Variants in DCP1B observed in about 807,000 individuals in gnomAD.
The protein encoded by DCP1B is mRNA-decapping enzyme 1B.
In DCP1B, 47 loss-of-function variants were observed where a neutral mutation model predicts 60.5. That is an observed-to-expected ratio of 0.78 (90% CI 0.61 to 0.99). The LOEUF is 0.99. Among genes scored for constraint, DCP1B ranks in the 50% least tolerant of loss-of-function variants. The pLI is 0.00. For synonymous variants in DCP1B, 267 were observed against 280.3 expected (o/e 0.95, Z 0.47); for missense variants, 725 against 756.8 (o/e 0.96, Z 0.49).
rs1565766839 is a variant in DCP1B at position 1,962,037 on chromosome 12, A to G, written c.522+3521T>C. Among the ~76,000 whole-genome samples the G allele has an allele frequency of 6.6e-6, 1 of 152,192 alleles. No homozygotes were observed. Among genetic ancestry groups the G allele is most frequent in the Admixed American group, 6.5e-5 (1 of 15,280 alleles). On this transcript the variant is annotated intron_variant, in intron 5 of 8. Coordinates refer to ENST00000280665, the MANE Select transcript of DCP1B (RefSeq NM_152640.5). This position sits in a 1 kb window ranked among gnomAD's most constrained non-coding sequence, Gnocchi z 4.4. ...CACGCTGCACAGGGCCACGTGTGGA[A>G]GCCTCAGGGTGTCAGCAGCAAGGGG...
intron 2 of DCP1B, 60 bp from the exon 3 acceptor site, chr12:1,993,451 TTCAGTA>T (rs1229761354): frequency 2.3e-5 from 36 of 1,575,576 alleles, no homozygotes; most frequent in Non-Finnish European, 3.1e-5. Flanking sequence ...ATGCTATATT[TTCAGTA>T]TAAGTACATT....
intron 3 of DCP1B, 135 bp from the exon 4 acceptor site, chr12:1,968,045 A>C: frequency 1.3e-6 from 1 of 756,450 alleles, no homozygotes; most frequent in East Asian, 2.8e-5. Flanking sequence ...AATAAATAAA[A>C]GCAATCATTG....
At chr12:1,969,619 A>G (rs1234526233) in intron 3 of DCP1B, among the ~76,000 whole-genome samples, 1 of 151,378 alleles carries the variant, frequency 6.6e-6, no homozygotes, top group Non-Finnish European at 1.5e-5. Flanking sequence ...ACATCAAAAC[A>G]AAATTCTTTC....
chr12:1,996,046 T>C (rs1436986300), intron 2 of DCP1B, among the ~76,000 whole-genome samples: 2 of 152,224 alleles, frequency 1.3e-5, no homozygotes, highest in East Asian at 1.9e-4. Context: ...GTTCAAAATA[T>C]TGTCATTTTT....
intron 3 of DCP1B, among the ~76,000 whole-genome samples, chr12:1,989,586 C>T (rs1030535635): frequency 1.1e-4 from 16 of 152,246 alleles, no homozygotes; most frequent in Middle Eastern, 6.8e-3. Context: ...TGGTGCCATA[C>T]ACCTATAATC....
chr12:1,977,076 T>G (rs2034619514), intron 3 of DCP1B, among the ~76,000 whole-genome samples: 1 of 152,180 alleles, frequency 6.6e-6, no homozygotes, highest in Non-Finnish European at 1.5e-5. Flanking sequence ...GGTAATAAAT[T>G]TACACAGAGT....
intron 4 of DCP1B, among the ~76,000 whole-genome samples, chr12:1,967,300 C>T (rs149491966): frequency 3.2e-4 from 48 of 152,246 alleles, no homozygotes; most frequent in East Asian, 1.9e-3. Context: ...GAGAGACAGT[C>T]GACTGATCAC....
At chr12:1,961,113 C>G (rs2154456961) in intron 5 of DCP1B, among the ~76,000 whole-genome samples, 1 of 152,256 alleles carries the variant, frequency 6.6e-6, no homozygotes, top group Non-Finnish European at 1.5e-5. Flanking sequence ...CTGAAACAGG[C>G]CCTGAAAGCT....
rs376029550 is a variant in DCP1B at position 1,955,580 on chromosome 12, C to T, written c.523-20G>A. 4.4e-6 allele frequency: 7 copies of T among 1,601,648 alleles called. No homozygotes were observed. The highest frequency in any genetic ancestry group is 4.0e-5 in the African/African-American group (3 of 74,310). On this transcript the variant is annotated intron_variant, in intron 5 of 8. Coordinates refer to ENST00000280665, the MANE Select transcript of DCP1B (RefSeq NM_152640.5). ...TTTACACTGAAATAGAAAAGAAAAT[C>T]CCCTCATTTTTGGCTTAGAAAAGCT... is the stretch of plus-strand genomic sequence containing the variant.
chr12:1,989,404 A>G (rs1171959623), intron 3 of DCP1B, among the ~76,000 whole-genome samples: 1 of 151,858 alleles, frequency 6.6e-6, no homozygotes, highest in Non-Finnish European at 1.5e-5. Flanking sequence ...AAGAGGAAAG[A>G]AAAGGGAAAG....
intron 7 of DCP1B, among the ~76,000 whole-genome samples, chr12:1,949,831 C>T (rs1230148825): frequency 3.3e-5 from 5 of 152,230 alleles, no homozygotes; most frequent in Non-Finnish European, 5.9e-5. Context: ...TGGGTCCACC[C>T]CTTCTGGGTC....
chr12:1,985,670 T>C (rs2037484976), intron 3 of DCP1B, among the ~76,000 whole-genome samples: 1 of 152,204 alleles, frequency 6.6e-6, no homozygotes, highest in Non-Finnish European at 1.5e-5. Context: ...ATTTTTATTA[T>C]TTTGTGAGAC....
chr12:1,999,829 C>T (rs1435204997), intron 1 of DCP1B, among the ~76,000 whole-genome samples: 14 of 152,206 alleles, frequency 9.2e-5, no homozygotes, highest in African/African-American at 3.4e-4. Context: ...ACTAGATTCA[C>T]TATGAAGTTT....
intron 3 of DCP1B, among the ~76,000 whole-genome samples, chr12:1,986,167 A>G (rs112450661): frequency 0.027 from 4,161 of 152,322 alleles, 96 homozygotes; most frequent in Middle Eastern, 0.054. Flanking sequence ...ACTAGTCTGA[A>G]TTTGGAATAA....
Position 1,946,233 on chromosome 12 carries a change from A to G in DCP1B, c.1827T>C (p.Thr609=). 6.2e-7 allele frequency: 1 copy of G among 1,607,484 alleles called. No individual in the cohort carries two copies. Among genetic ancestry groups the G allele is most frequent in the African/African-American group, 1.3e-5 (1 of 74,716 alleles). The change falls in exon 9 of 9, where the codon ACT becomes ACC. Residue 609 remains threonine, a synonymous_variant. Transcript: ENST00000280665. The part of the protein sequence containing the change: ...IIYEAYLFSM[T]QAAMKKTM ...ACATAGTCTTTTTCATGGCTGCTTG[A>G]GTCATGCTGAAGAGATAGGCTTCAT...
In DCP1B at chr12:1,953,047, A is replaced by G; in HGVS notation, c.893T>C (p.Met298Thr). Residue 298 changes from methionine (M) to threonine (T), a missense_variant, in exon 7 of 9, where the codon ATG becomes ACG. Met to Thr is a moderately conservative substitution (Grantham distance 81). Transcript: ENST00000280665. ...TGGGTGGAGGTCTGCGCTCCTGACC[A>G]TGAGTTTCTGAATGGCTGGACAGAG... Reference protein sequence around the residue: ...KQLCPAIQKLMVRSADLHPLS... With the variant: ...KQLCPAIQKLTVRSADLHPLS... 1 of 1,614,148 alleles carries G rather than the reference A, an allele frequency of 6.2e-7. No individual in the cohort carries two copies. Among genetic ancestry groups the G allele is most frequent in the Non-Finnish European group, 8.5e-7 (1 of 1,180,020 alleles).
chr12:1,995,798 C>CA (rs2040654805), intron 2 of DCP1B, among the ~76,000 whole-genome samples: 1 of 152,216 alleles, frequency 6.6e-6, no homozygotes, highest in Non-Finnish European at 1.5e-5. Context: ...CCTCTTTATA[C>CA]TCACTCCTTC....
downstream of DCP1B, among the ~76,000 whole-genome samples, chr12:1,943,939 G>C (rs2030342450): frequency 6.6e-6 from 1 of 152,152 alleles, no homozygotes; most frequent in South Asian, 2.1e-4. Flanking sequence ...GTTCTGGCCA[G>C]GGCAATCAGG....
chr12:2,001,037 CAAA>C (rs55946150), intron 1 of DCP1B, among the ~76,000 whole-genome samples: 12 of 124,344 alleles, frequency 9.7e-5, no homozygotes, highest in Admixed American at 2.4e-4. Flanking sequence ...GACTTCGTCT[CAAA>C]AAAAAAAAAA....
Sources: allele counts gnomAD v4.1 joint callset (sites outside exome capture counted in the v4.1 genomes callset), GRCh38; gene constraint gnomAD v4.1.1; non-coding constraint Gnocchi (gnomAD v3.1); transcripts MANE v1.5; gene names NCBI Gene and HGNC (gene_info 2026-07-23, HGNC 2026-07-21).